The following PPM1E variants were observed in gnomAD, a reference collection of about 807,000 sequenced individuals.
The protein encoded by PPM1E is protein phosphatase, Mg2+/Mn2+ dependent 1E, also known as protein phosphatase 1E.
PPM1E carries 20 observed loss-of-function variants against 65.9 expected under a neutral mutation model. That is an observed-to-expected ratio of 0.30 (90% confidence interval 0.21 to 0.44). PPM1E has a LOEUF of 0.44. Ranked by LOEUF, PPM1E falls within the 20% of genes least tolerant of loss-of-function variation. The pLI is 1.00. For synonymous variants in PPM1E, 352 were observed against 374.9 expected, an observed-to-expected ratio of 0.94 and a Z score of 0.70; for missense variants, 713 against 953.1, an observed-to-expected ratio of 0.75 and a Z score of 3.32.
At chr17:58,788,239 C>T (rs1185239805) in intron 1 of PPM1E, among the ~76,000 whole-genome samples, 2 of 151,976 alleles carry the variant, frequency 1.3e-5, no homozygotes, top group East Asian at 1.9e-4. Flanking sequence ...TTAGTAGAGA[C>T]GAGGTTTCAC....
chr17:58,783,259 G>A (rs2050066790), intron 1 of PPM1E, among the ~76,000 whole-genome samples: 1 of 152,198 alleles, frequency 6.6e-6, no homozygotes, highest in African/African-American at 2.4e-5. Context: ...GCAACAAGGA[G>A]TTAACAGATT....
chr17:58,921,664 CAAAAAA>C (rs1219765618), intron 1 of PPM1E, among the ~76,000 whole-genome samples: 1 of 84,216 alleles, frequency 1.2e-5, no homozygotes. Context: ...GACTCTATCT[CAAAAAA>C]AAAAAAAAAA....
intron 1 of PPM1E, among the ~76,000 whole-genome samples, chr17:58,846,482 C>T (rs1488314642): frequency 6.6e-6 from 1 of 152,122 alleles, no homozygotes; most frequent in East Asian, 1.9e-4. Flanking sequence ...CAAGTATTCT[C>T]ATTGTTCAAT....
intron 1 of PPM1E, among the ~76,000 whole-genome samples, chr17:58,775,650 C>T (rs1010395697): frequency 1.3e-5 from 2 of 151,810 alleles, no homozygotes; most frequent in Admixed American, 6.6e-5. Context: ...CGCAGTGGCT[C>T]ACGCCTGTAA....
intron 1 of PPM1E, among the ~76,000 whole-genome samples, chr17:58,868,687 T>G (rs1169997728): frequency 4.3e-4 from 65 of 152,048 alleles, no homozygotes; most frequent in Non-Finnish European, 1.5e-5. Context: ...ACTCATAACC[T>G]TATTTGGTTT....
At chr17:58,793,864 G>A (rs1598574938) in intron 1 of PPM1E, among the ~76,000 whole-genome samples, 3 of 151,368 alleles carry the variant, frequency 2.0e-5, no homozygotes, top group Non-Finnish European at 4.4e-5. Flanking sequence ...TTTATTTTGC[G>A]ACAGGGTTTC....
intron 1 of PPM1E, among the ~76,000 whole-genome samples, chr17:58,816,555 T>C (rs1047278366): frequency 6.6e-6 from 1 of 150,966 alleles, no homozygotes; most frequent in African/African-American, 2.4e-5. Flanking sequence ...CATTTCTTCC[T>C]TCCCCCATCC....
intron 1 of PPM1E, among the ~76,000 whole-genome samples, chr17:58,841,896 A>G (rs549325478): frequency 2.6e-5 from 4 of 152,092 alleles, no homozygotes; most frequent in Non-Finnish European, 4.4e-5. Context: ...TTTAGTAAAG[A>G]TGGGATTTCA....
At chr17:58,892,460 C>T (rs1220904615) in intron 1 of PPM1E, among the ~76,000 whole-genome samples, 1 of 152,070 alleles carries the variant, frequency 6.6e-6, no homozygotes, top group Admixed American at 6.6e-5. Context: ...ATATTCCCAG[C>T]TACTCAGGAG....
intron 1 of PPM1E, among the ~76,000 whole-genome samples, chr17:58,945,308 A>G (rs1184015980): frequency 6.6e-6 from 1 of 152,030 alleles, no homozygotes; most frequent in East Asian, 1.9e-4. Flanking sequence ...ACACTCAGCT[A>G]ACTTATGTAT....
At position 58,842,334 on chromosome 17, in the gene PPM1E, G is replaced by A. The variant is rs1175045799; in HGVS notation, c.464+85873G>A. On this transcript the variant is annotated intron_variant, in intron 1 of 6. Transcript: ENST00000308249. ...TCCTGGAACAGAAAAAGGACATTAAGTAAAAACTAAGGAAATCAAACTATG... is the reference window on the plus strand; with the variant it reads ...TCCTGGAACAGAAAAAGGACATTAAATAAAAACTAAGGAAATCAAACTATG... Among the ~76,000 whole-genome samples, 5 of 152,128 alleles carry A rather than the reference G, an allele frequency of 3.3e-5. No individual in the cohort carries two copies. The East Asian group carries it at 5.8e-4, about 18-fold the overall frequency.
chr17:58,977,367 C>T (rs1045307707), intron 6 of PPM1E, among the ~76,000 whole-genome samples: 3 of 150,082 alleles, frequency 2.0e-5, no homozygotes, highest in African/African-American at 4.9e-5. Flanking sequence ...TGCTTGAATC[C>T]GGGAGGTGGA....
At chr17:58,776,152 C>T (rs930355963) in intron 1 of PPM1E, among the ~76,000 whole-genome samples, 14 of 151,970 alleles carry the variant, frequency 9.2e-5, no homozygotes, top group African/African-American at 3.4e-4. Context: ...TAGTGAAACC[C>T]TGTCTCTACA....
At position 58,899,088 on chromosome 17, in the gene PPM1E, C is replaced by T. The variant is rs986289577; in HGVS notation, c.465-56561C>T. Among the ~76,000 whole-genome samples, 24 of 151,968 alleles carry T rather than the reference C, an allele frequency of 1.6e-4. No individual in the cohort carries two copies. In the South Asian group the frequency reaches 5.0e-3, roughly 32 times the overall value. On this transcript the variant is annotated intron_variant, in intron 1 of 6. Transcript: ENST00000308249. Reference sequence around the variant, plus strand: ...TGAGTTGATGGATGCAGCACACCAACACAGCACATGTATACATATATAACA... The same window carrying T: ...TGAGTTGATGGATGCAGCACACCAATACAGCACATGTATACATATATAACA...
rs8076706 is a variant in PPM1E, at chr17:58,766,606, T to C, written c.464+10145T>C. Among the ~76,000 whole-genome samples the C allele has an allele frequency of 7.3e-3, 905 of 123,740 alleles. 6 individuals carry two copies. Among genetic ancestry groups the C allele is most frequent in the South Asian group, 0.02 (60 of 2,984 alleles). 81.2% of individuals were successfully genotyped at this position (123,740 alleles called of 152,430 possible). On this transcript the variant is annotated intron_variant, in intron 1 of 6. Transcript: ENST00000308249. Reference sequence around the variant, plus strand: ...GTATATTGTACTATATGTGTGTGTATACACACACACACACACACACACACA... The same window carrying C: ...GTATATTGTACTATATGTGTGTGTACACACACACACACACACACACACACA...
intron 1 of PPM1E, among the ~76,000 whole-genome samples, chr17:58,779,175 AT>A (rs57635808): frequency 2.6e-3 from 346 of 131,690 alleles, no homozygotes; most frequent in Middle Eastern, 4.2e-3. Context: ...ATGAATTCTG[AT>A]TTTTTTTTTT....
chr17:58,947,318 C>A (rs1377788118), intron 1 of PPM1E, among the ~76,000 whole-genome samples: 12 of 148,250 alleles, frequency 8.1e-5, no homozygotes, highest in Non-Finnish European at 1.8e-4. Context: ...CTCACTGCAA[C>A]CTCTGCCTCT....
intron 1 of PPM1E, among the ~76,000 whole-genome samples, chr17:58,804,060 C>G (rs1429606232): frequency 1.3e-5 from 2 of 152,138 alleles, no homozygotes; most frequent in Non-Finnish European, 1.5e-5. Context: ...TCTCAAGTAG[C>G]TGAGACTACA....
intron 1 of PPM1E, among the ~76,000 whole-genome samples, chr17:58,918,198 T>C (rs2051707254): frequency 6.6e-6 from 1 of 152,220 alleles, no homozygotes. Context: ...TTGGTTTCTT[T>C]GGATGGTTAA....
Sources: gnomAD v4.1 joint callset for allele counts (sites outside exome capture counted in the v4.1 genomes callset) on GRCh38, gnomAD v4.1.1 for gene constraint, MANE v1.5 for transcripts, NCBI Gene and HGNC (gene_info 2026-07-23, HGNC 2026-07-21) for gene names.